Variants in RABGAP1L observed in about 807,000 individuals in gnomAD.
The protein encoded by RABGAP1L is RAB GTPase activating protein 1 like.
RABGAP1L carries 63 observed loss-of-function variants against 137.7 expected under a neutral mutation model. The ratio of observed to expected loss-of-function variants is 0.46; its 90% CI spans 0.37 to 0.56. The LOEUF is 0.56. Among genes scored for constraint, RABGAP1L ranks in the 20% least tolerant of loss-of-function variants. RABGAP1L has a pLI of 0.00. For missense variants in RABGAP1L, 1,095 were observed against 1,244.0 expected (o/e 0.88, Z 1.80); for synonymous variants, 431 against 433.7 (o/e 0.99, Z 0.08).
chr1:174,386,305 G>A (rs938055026), intron 12 of RABGAP1L, among the ~76,000 whole-genome samples: 2 of 152,166 alleles, frequency 1.3e-5, no homozygotes, highest in Non-Finnish European at 1.5e-5. Context: ...GAGAACTGAG[G>A]CATAGCTATA....
intron 13 of RABGAP1L, among the ~76,000 whole-genome samples, chr1:174,497,696 T>G (rs1341088688): frequency 1.3e-5 from 2 of 152,242 alleles, no homozygotes; most frequent in Non-Finnish European, 2.9e-5. Context: ...TCTTACAGAT[T>G]CCCTTGCTGT....
intron 13 of RABGAP1L, among the ~76,000 whole-genome samples, chr1:174,430,110 T>C (rs1652445422): frequency 6.6e-6 from 1 of 152,136 alleles, no homozygotes; most frequent in African/African-American, 2.4e-5. Flanking sequence ...CAGGGCTGCG[T>C]GCAGTGGCTC....
At chr1:174,717,502 C>T (rs1010087409) in intron 17 of RABGAP1L, among the ~76,000 whole-genome samples, 2 of 151,988 alleles carry the variant, frequency 1.3e-5, no homozygotes, top group East Asian at 1.9e-4. Context: ...TTTTTGTTCC[C>T]GTTAAATAGA....
At chr1:174,971,534 G>A (rs570636204) in intron 21 of RABGAP1L, among the ~76,000 whole-genome samples, 9 of 152,250 alleles carry the variant, frequency 5.9e-5, no homozygotes, top group African/African-American at 2.2e-4. Flanking sequence ...TTTAAGAAAA[G>A]TAAATATGAC....
chr1:174,701,126 G>C (rs1308576224), intron 16 of RABGAP1L: 1 of 1,304,450 alleles, frequency 7.7e-7, no homozygotes, highest in Admixed American at 2.3e-5. Flanking sequence ...AATGAAGGTG[G>C]CCTTTGTCTT....
intron 17 of RABGAP1L, among the ~76,000 whole-genome samples, chr1:174,747,611 T>G (rs888906923): frequency 6.6e-6 from 1 of 152,098 alleles, no homozygotes; most frequent in African/African-American, 2.4e-5. Context: ...CTGAACTTGT[T>G]TAAAGAATTT....
intron 13 of RABGAP1L, among the ~76,000 whole-genome samples, chr1:174,410,953 T>A (rs1227148057): frequency 6.6e-6 from 1 of 152,190 alleles, no homozygotes; most frequent in Non-Finnish European, 1.5e-5. Context: ...AGAAATCTTT[T>A]ACCTCCTTGG....
chr1:174,683,420 A>G, intron 14 of RABGAP1L, 102 bp from the exon 15 acceptor site: 1 of 848,784 alleles, frequency 1.2e-6, no homozygotes, highest in Non-Finnish European at 1.9e-6. Flanking sequence ...ATTGTGGTTG[A>G]CAGCCCAGGG....
intron 10 of RABGAP1L, among the ~76,000 whole-genome samples, chr1:174,295,351 T>C (rs1677026583): frequency 2.0e-5 from 3 of 152,018 alleles, no homozygotes; most frequent in Admixed American, 2.0e-4. Context: ...TTGCTGGGAC[T>C]ACAGGTGTGT....
intron 13 of RABGAP1L, among the ~76,000 whole-genome samples, chr1:174,467,781 C>T (rs1657467015): frequency 6.6e-6 from 1 of 152,032 alleles, no homozygotes; most frequent in Admixed American, 6.5e-5. Flanking sequence ...TCCTTTCTAC[C>T]TAATATATGC....
At chr1:174,923,137 C>A (rs1054445703) in intron 19 of RABGAP1L, among the ~76,000 whole-genome samples, 8 of 139,298 alleles carry the variant, frequency 5.7e-5, no homozygotes, top group African/African-American at 1.8e-4. Context: ...CAGAACAAGA[C>A]CCTATCTCAG....
At position 174,806,943 on chromosome 1, in the gene RABGAP1L, G is replaced by A. The variant is rs552776533; in HGVS notation, c.2212-4889G>A. ...TGGGATTACAGGCGTGTGCCACTAC[G>A]CCCGGCTAATTTTTGTATTTTTAGT... On this transcript the variant is annotated intron_variant, in intron 18 of 25. Transcript: ENST00000681986. Among the ~76,000 whole-genome samples the A allele has an allele frequency of 5.9e-5, 9 of 152,086 alleles. No individual in the cohort carries two copies. In the South Asian group the frequency reaches 8.3e-4, roughly 14 times the overall value.
intron 13 of RABGAP1L, among the ~76,000 whole-genome samples, chr1:174,611,171 G>T: frequency 6.8e-6 from 1 of 147,586 alleles, no homozygotes; most frequent in African/African-American, 2.6e-5. Context: ...TTTTCTTCTA[G>T]GGTTTTTATG....
At chr1:174,324,984 A>C (rs1358627570) in intron 11 of RABGAP1L, among the ~76,000 whole-genome samples, 1 of 152,186 alleles carries the variant, frequency 6.6e-6, no homozygotes. Flanking sequence ...AACAGTGTTT[A>C]AGTAACTCTT....
At chr1:174,878,353 A>G (rs934239307) in intron 19 of RABGAP1L, among the ~76,000 whole-genome samples, 4 of 151,968 alleles carry the variant, frequency 2.6e-5, no homozygotes, top group African/African-American at 7.2e-5. Flanking sequence ...CAGCCTCCCT[A>G]GTAGCTGGGA....
chr1:174,849,222 C>G (rs1216914580), intron 19 of RABGAP1L, among the ~76,000 whole-genome samples: 2 of 152,148 alleles, frequency 1.3e-5, no homozygotes, highest in Admixed American at 6.5e-5. Context: ...TAGACCGGAG[C>G]TGTTCCTATT....
At chr1:174,442,298 A>C (rs1654250517) in intron 13 of RABGAP1L, among the ~76,000 whole-genome samples, 1 of 152,128 alleles carries the variant, frequency 6.6e-6, no homozygotes, top group African/African-American at 2.4e-5. Flanking sequence ...GAAAGTCAAA[A>C]TATTTCCCTA....
intron 13 of RABGAP1L, among the ~76,000 whole-genome samples, chr1:174,615,037 C>G (rs1418418227): frequency 6.6e-6 from 1 of 152,222 alleles, no homozygotes; most frequent in Non-Finnish European, 1.5e-5. Context: ...CATCCTGTAG[C>G]TCGGAGTAGT....
chr1:174,735,215 G>A (rs1023674771), intron 17 of RABGAP1L, among the ~76,000 whole-genome samples: 3 of 151,650 alleles, frequency 2.0e-5, no homozygotes, highest in Non-Finnish European at 4.4e-5. Context: ...AGTTCAATCA[G>A]TCCTTCTGCC....
Sources: gnomAD v4.1 joint callset for allele counts (sites outside exome capture counted in the v4.1 genomes callset) on GRCh38, gnomAD v4.1.1 for gene constraint, MANE v1.5 for transcripts, NCBI Gene and HGNC (gene_info 2026-07-23, HGNC 2026-07-21) for gene names.